Variants in BAIAP2L1 observed in about 807,000 individuals in gnomAD.
BAIAP2L1 encodes BAR/IMD domain-containing adapter protein 2-like 1.
A neutral mutation model predicts 66.3 loss-of-function variants in BAIAP2L1; 35 were observed. The observed-to-expected ratio is 0.53, with a 90% CI of 0.40 to 0.70. The LOEUF is 0.70. BAIAP2L1 is among the 30% of genes least tolerant of loss of function. BAIAP2L1 has a pLI of 0.00. For synonymous variants in BAIAP2L1, 269 were observed against 248.7 expected (o/e 1.08, Z -0.77); for missense variants, 622 against 656.9 (o/e 0.95, Z 0.58).
chr7:98,330,456 T>G (rs6968321), intron 3 of BAIAP2L1, among the ~76,000 whole-genome samples: 61,217 of 151,856 alleles, frequency 0.4, 13,317 homozygotes, highest in Middle Eastern at 0.55. Flanking sequence ...TCAGGAGTTC[T>G]AGACCAGCTG....
chr7:98,395,210 T>C (rs972700745), intron 1 of BAIAP2L1, among the ~76,000 whole-genome samples: 2 of 149,832 alleles, frequency 1.3e-5, no homozygotes, highest in Admixed American at 1.3e-4. Context: ...GAGGCCGAGG[T>C]GGGTGGATCA....
intron 1 of BAIAP2L1, among the ~76,000 whole-genome samples, chr7:98,383,372 T>C (rs1425193062): frequency 2.6e-5 from 4 of 151,276 alleles, no homozygotes; most frequent in Admixed American, 2.6e-4. Context: ...CAACCTCTGC[T>C]TCCCTGGTTC....
At chr7:98,326,535 T>C (rs1801385014) in intron 3 of BAIAP2L1, among the ~76,000 whole-genome samples, 1 of 152,088 alleles carries the variant, frequency 6.6e-6, no homozygotes, top group African/African-American at 2.4e-5. Context: ...GTACTGGCCA[T>C]GTAGAAGCTC....
intron 1 of BAIAP2L1, among the ~76,000 whole-genome samples, chr7:98,366,727 T>C (rs1802395984): frequency 6.6e-6 from 1 of 152,208 alleles, no homozygotes; most frequent in African/African-American, 2.4e-5. Context: ...CGCAGTCAGG[T>C]GCTTGGCACC....
chr7:98,399,459 A>G (rs1455809102), intron 1 of BAIAP2L1, among the ~76,000 whole-genome samples: 1 of 152,184 alleles, frequency 6.6e-6, no homozygotes, highest in African/African-American at 2.4e-5. Context: ...AGAAACTAAA[A>G]TTTTAGGTTT....
chr7:98,348,750 G>A (rs780840594), intron 3 of BAIAP2L1, among the ~76,000 whole-genome samples: 6 of 152,194 alleles, frequency 3.9e-5, no homozygotes, highest in African/African-American at 7.2e-5. Context: ...AAGCCACAAG[G>A]CACATCATCT....
intron 3 of BAIAP2L1, 115 bp downstream of exon 3, chr7:98,354,927 C>T: frequency 1.3e-6 from 1 of 774,080 alleles, no homozygotes; most frequent in Non-Finnish European, 2.3e-6. Flanking sequence ...GAAGTAGAAC[C>T]ACAGCATGCT....
At chr7:98,296,423 C>T (rs1015963305) in intron 12 of BAIAP2L1, among the ~76,000 whole-genome samples, 3 of 152,104 alleles carry the variant, frequency 2.0e-5, no homozygotes, top group Non-Finnish European at 4.4e-5. Context: ...GTCGGGAGTT[C>T]GAGACCAGCC....
chr7:98,388,391 G>A (rs1381663033), intron 1 of BAIAP2L1, among the ~76,000 whole-genome samples: 4 of 152,212 alleles, frequency 2.6e-5, no homozygotes, highest in Non-Finnish European at 4.4e-5. Context: ...TACTCGGGAG[G>A]CCAAGGCAGG....
At chr7:98,331,350 TGGCA>T (rs942501041) in intron 3 of BAIAP2L1, among the ~76,000 whole-genome samples, 2 of 151,910 alleles carry the variant, frequency 1.3e-5, no homozygotes, top group Admixed American at 1.3e-4. Context: ...CCAAAGTTAC[TGGCA>T]GACACCAAAC....
Position 98,300,470 on chromosome 7 carries a change from A to G in BAIAP2L1, c.1422+3726T>C, listed in dbSNP as rs553314337. ...TTTGCAGTCTGCATAGGATGTTAGA[A>G]TAACAGCATGCAGATGACCGCGCCA... On this transcript the variant is annotated intron_variant, in intron 12 of 13. Transcript: ENST00000005260. 1.6e-4 allele frequency among the ~76,000 whole-genome samples: 25 copies of G among 152,362 alleles called. No homozygotes were observed. In the South Asian group the frequency reaches 2.1e-3, roughly 13 times the overall value.
intron 2 of BAIAP2L1, among the ~76,000 whole-genome samples, chr7:98,360,574 G>A (rs776408153): frequency 6.6e-6 from 1 of 151,806 alleles, no homozygotes; most frequent in South Asian, 2.1e-4. Context: ...AAGCTAAGCT[G>A]TAGGCAGCTC....
At chr7:98,332,935 C>T (rs1177039136) in intron 3 of BAIAP2L1, among the ~76,000 whole-genome samples, 3 of 152,000 alleles carry the variant, frequency 2.0e-5, no homozygotes, top group African/African-American at 7.3e-5. Context: ...CTACGCGACC[C>T]AGCCTCATGC....
At chr7:98,386,126 A>G in intron 1 of BAIAP2L1, 2 of 1,592,958 alleles carry the variant, frequency 1.3e-6, no homozygotes, top group Non-Finnish European at 1.7e-6. Context: ...TGCTGAGCAT[A>G]AGAGGTCTTC....
chr7:98,365,870 C>G (rs1802379282), intron 1 of BAIAP2L1, among the ~76,000 whole-genome samples: 1 of 152,146 alleles, frequency 6.6e-6, no homozygotes, highest in Non-Finnish European at 1.5e-5. Flanking sequence ...GTGTTTTATT[C>G]TAGTTCCCGT....
chr7:98,299,421 G>C (rs578066487), intron 12 of BAIAP2L1, among the ~76,000 whole-genome samples: 1 of 152,222 alleles, frequency 6.6e-6, no homozygotes, highest in African/African-American at 2.4e-5. Context: ...GCCTCCCAAA[G>C]TGCTGGGATT....
Position 98,294,055 on chromosome 7 carries a change from CG to C in BAIAP2L1, c.1460+18del. ...GAGCAATGTCACACACTGAGGCTCA[CG>C]TAGGAAGCCACGCCTACCTGAGAAA... On this transcript the variant is annotated intron_variant, in intron 13 of 13. Transcript: ENST00000005260. 1 of 1,613,070 alleles carries C rather than the reference CG, an allele frequency of 6.2e-7. No homozygotes were observed. The highest frequency in any genetic ancestry group is 8.5e-7 in the Non-Finnish European group (1 of 1,179,002).
intron 1 of BAIAP2L1, among the ~76,000 whole-genome samples, chr7:98,380,163 A>G (rs913818337): frequency 1.3e-5 from 2 of 151,172 alleles, no homozygotes; most frequent in Non-Finnish European, 2.9e-5. Flanking sequence ...TGGTAATCTC[A>G]AACTCTCAGA....
intron 10 of BAIAP2L1, 73 bp from the exon 11 acceptor site, chr7:98,306,589 T>C: frequency 3.1e-6 from 5 of 1,609,674 alleles, no homozygotes; most frequent in Non-Finnish European, 4.2e-6. Flanking sequence ...AACAACCTGG[T>C]GAGAGCTCAG....
Sources: gnomAD v4.1 joint callset for allele counts (sites outside exome capture counted in the v4.1 genomes callset) on GRCh38, gnomAD v4.1.1 for gene constraint, MANE v1.5 for transcripts, NCBI Gene and HGNC (gene_info 2026-07-23, HGNC 2026-07-21) for gene names.